CSNK1G3: variants seen among roughly 807,000 people sequenced by gnomAD.
CSNK1G3 encodes casein kinase 1 gamma 3.
CSNK1G3 carries 23 observed loss-of-function variants against 64.3 expected under a neutral mutation model. The ratio of observed to expected loss-of-function variants is 0.36; its 90% CI spans 0.26 to 0.51. CSNK1G3 has a LOEUF of 0.51. CSNK1G3 is among the 20% of genes least tolerant of loss of function. CSNK1G3 has a pLI of 0.96. For missense variants in CSNK1G3, 357 were observed against 510.5 expected (o/e 0.70, Z 2.90); for synonymous variants, 158 against 162.2 (o/e 0.97, Z 0.20).
chr5:123,545,832 T>G, exon 2 of CSNK1G3: 1 of 1,612,806 alleles, frequency 6.2e-7, no homozygotes, highest in Admixed American at 1.7e-5. Context: ...TTTTGGAGAA[T>G]TACGATTAGG....
At chr5:123,526,818 A>T (rs1336874609) in intron 1 of CSNK1G3, among the ~76,000 whole-genome samples, 1 of 151,108 alleles carries the variant, frequency 6.6e-6, no homozygotes, top group Non-Finnish European at 1.5e-5. Context: ...GCCCATTAAG[A>T]AATGTTTCAT....
At chr5:123,535,415 A>G (rs1195766807) in intron 1 of CSNK1G3, among the ~76,000 whole-genome samples, 1 of 152,108 alleles carries the variant, frequency 6.6e-6, no homozygotes, top group Admixed American at 6.6e-5. Context: ...TGCAGGCTGT[A>G]GTTTCATGAC....
At chr5:123,524,869 A>T (rs1778755109) in intron 1 of CSNK1G3, among the ~76,000 whole-genome samples, 1 of 152,134 alleles carries the variant, frequency 6.6e-6, no homozygotes, top group Non-Finnish European at 1.5e-5. Context: ...ACACTGAAGG[A>T]TAATGGGTGG....
intron 4 of CSNK1G3, among the ~76,000 whole-genome samples, chr5:123,563,625 T>C (rs984513983): frequency 2.0e-5 from 3 of 152,234 alleles, no homozygotes; most frequent in Non-Finnish European, 4.4e-5. Flanking sequence ...AGAAGTATTA[T>C]GGGTAATAGT....
At chr5:123,554,176 A>T (rs888280797) in intron 3 of CSNK1G3, among the ~76,000 whole-genome samples, 1 of 152,220 alleles carries the variant, frequency 6.6e-6, no homozygotes, top group Non-Finnish European at 1.5e-5. Context: ...CACTTGAAAT[A>T]AAGATGTGGA....
At chr5:123,578,590 A>G (rs1789623577) in intron 6 of CSNK1G3, among the ~76,000 whole-genome samples, 2 of 151,866 alleles carry the variant, frequency 1.3e-5, no homozygotes, top group Admixed American at 1.3e-4. Flanking sequence ...TCTTTTGATG[A>G]GCAGAACTGT....
chr5:123,584,146 C>A (rs145137120), intron 6 of CSNK1G3, among the ~76,000 whole-genome samples: 12 of 152,302 alleles, frequency 7.9e-5, no homozygotes, highest in African/African-American at 2.6e-4. Flanking sequence ...CATTTCCAAT[C>A]TGAATATCTG....
At chr5:123,556,891 C>T (rs974523404) in intron 3 of CSNK1G3, among the ~76,000 whole-genome samples, 2 of 151,710 alleles carry the variant, frequency 1.3e-5, no homozygotes, top group African/African-American at 4.8e-5. Context: ...TGAAATCCAG[C>T]AACAGGCAAA....
chr5:123,550,006 G>A (rs980689730), intron 2 of CSNK1G3, among the ~76,000 whole-genome samples: 4 of 151,764 alleles, frequency 2.6e-5, no homozygotes, highest in Non-Finnish European at 4.4e-5. Flanking sequence ...TAGTTGCTTT[G>A]TTGAAAATTC....
At chr5:123,579,834 A>G (rs1328593518) in intron 6 of CSNK1G3, among the ~76,000 whole-genome samples, 1 of 151,960 alleles carries the variant, frequency 6.6e-6, no homozygotes, top group Admixed American at 6.6e-5. Context: ...ACTTTTCCCC[A>G]TTTATAAACA....
intron 1 of CSNK1G3, among the ~76,000 whole-genome samples, chr5:123,523,792 A>G (rs1156638394): frequency 6.6e-6 from 1 of 152,206 alleles, no homozygotes; most frequent in Non-Finnish European, 1.5e-5. Context: ...TGTGTTTGGT[A>G]CAAATTGATT....
At chr5:123,518,616 C>T (rs1431935122) in intron 1 of CSNK1G3, among the ~76,000 whole-genome samples, 1 of 152,178 alleles carries the variant, frequency 6.6e-6, no homozygotes, top group African/African-American at 2.4e-5. Flanking sequence ...TTTTTCTCTT[C>T]GTATCTTATT....
chr5:123,534,605 G>C (rs1229802202), intron 1 of CSNK1G3, among the ~76,000 whole-genome samples: 1 of 152,120 alleles, frequency 6.6e-6, no homozygotes, highest in East Asian at 1.9e-4. Context: ...ACTGAGGGTG[G>C]CTTCCATCTG....
chr5:123,597,049 A>C (rs1272550146), intron 10 of CSNK1G3, among the ~76,000 whole-genome samples: 1 of 152,142 alleles, frequency 6.6e-6, no homozygotes, highest in East Asian at 1.9e-4. Context: ...CTAAAATTTG[A>C]ACTGATATTA....
intron 2 of CSNK1G3, among the ~76,000 whole-genome samples, chr5:123,550,331 A>G (rs1016086799): frequency 2.0e-5 from 3 of 152,218 alleles, no homozygotes; most frequent in African/African-American, 7.2e-5. Flanking sequence ...TCCATCTCCC[A>G]GCCAGGAAGA....
At chr5:123,516,259 T>A (rs1357305791) in intron 1 of CSNK1G3, among the ~76,000 whole-genome samples, 1 of 152,184 alleles carries the variant, frequency 6.6e-6, no homozygotes, top group African/African-American at 2.4e-5. Flanking sequence ...CACCTTTTGC[T>A]GATCTGCAGG....
chr5:123,608,225 T>C (rs1795703785), intron 12 of CSNK1G3, among the ~76,000 whole-genome samples: 1 of 152,184 alleles, frequency 6.6e-6, no homozygotes, highest in Non-Finnish European at 1.5e-5. Context: ...GCAGAGATCC[T>C]TCTCACCCCA....
intron 7 of CSNK1G3, 127 bp from the exon 8 acceptor site, chr5:123,588,300 C>T: frequency 9.7e-7 from 1 of 1,034,890 alleles, no homozygotes; most frequent in Admixed American, 1.9e-5. Flanking sequence ...TGGTCTCAAA[C>T]TCCTGGGCTC....
At chr5:123,612,397 T>C (rs1796485627) in intron 12 of CSNK1G3, among the ~76,000 whole-genome samples, 1 of 151,254 alleles carries the variant, frequency 6.6e-6, no homozygotes, top group African/African-American at 2.4e-5. Flanking sequence ...TCTGTTTACA[T>C]TTATTTCACA....
Sources: allele counts gnomAD v4.1 joint callset (sites outside exome capture counted in the v4.1 genomes callset), GRCh38; gene constraint gnomAD v4.1.1; transcripts MANE v1.5; gene names NCBI Gene and HGNC (gene_info 2026-07-23, HGNC 2026-07-21).